Variants in PEX5L observed in about 807,000 individuals in gnomAD.
The protein encoded by PEX5L is peroxisomal biogenesis factor 5 like.
In PEX5L, 30 loss-of-function variants were observed where a neutral mutation model predicts 84.0. The observed-to-expected ratio is 0.36, with a 90% confidence interval of 0.27 to 0.48. The LOEUF (loss-of-function observed/expected upper bound fraction) is 0.48, where lower values mean the gene tolerates loss of function less well. PEX5L is among the 20% of genes least tolerant of loss of function. PEX5L has a pLI of 0.99. For missense variants in PEX5L, 533 were observed against 754.6 expected (o/e 0.71, Z 3.44); for synonymous variants, 270 against 283.1 (o/e 0.95, Z 0.46).
chr3:180,035,550 A>T (rs1008438119), intron 1 of PEX5L, among the ~76,000 whole-genome samples: 7 of 152,344 alleles, frequency 4.6e-5, no homozygotes, highest in Admixed American at 3.3e-4. Context: ...AGTCCAAAAG[A>T]ATTTCCCTAA....
chr3:179,906,532 A>G (rs558777283), intron 2 of PEX5L, among the ~76,000 whole-genome samples: 42 of 152,356 alleles, frequency 2.8e-4, no homozygotes, highest in African/African-American at 9.6e-4. Context: ...ATAATTAATA[A>G]GTAAATGTAG....
intron 8 of PEX5L, among the ~76,000 whole-genome samples, chr3:179,825,641 AGT>A (rs1730192988): frequency 6.6e-6 from 1 of 152,170 alleles, no homozygotes; most frequent in African/African-American, 2.4e-5. Context: ...AGAAATGAAC[AGT>A]GTATGGAGGA....
At chr3:179,839,442 A>G (rs754745771) in intron 8 of PEX5L, among the ~76,000 whole-genome samples, 4 of 152,230 alleles carry the variant, frequency 2.6e-5, no homozygotes, top group Non-Finnish European at 5.9e-5. Flanking sequence ...TTCCAAAATA[A>G]TAAACATTGT....
chr3:179,808,488 A>G (rs765937004), intron 12 of PEX5L, 51 bp from the exon 13 acceptor site: 3 of 1,251,484 alleles, frequency 2.4e-6, no homozygotes, highest in Non-Finnish European at 3.2e-6. Flanking sequence ...TCAGAACATA[A>G]ATGATTTACT....
At chr3:179,842,294 G>C (rs1380375062) in intron 8 of PEX5L, among the ~76,000 whole-genome samples, 3 of 152,144 alleles carry the variant, frequency 2.0e-5, no homozygotes, top group Middle Eastern at 3.2e-3. Context: ...ACGGGTAGCT[G>C]TTTCTAGTTT....
At chr3:180,027,301 G>C (rs1296349270) in intron 1 of PEX5L, among the ~76,000 whole-genome samples, 1 of 152,172 alleles carries the variant, frequency 6.6e-6, no homozygotes, top group Non-Finnish European at 1.5e-5. Flanking sequence ...CCTAGATCTA[G>C]AAGTCTGCCA....
chr3:180,002,832 C>T (rs1788546112), intron 1 of PEX5L, among the ~76,000 whole-genome samples: 1 of 152,040 alleles, frequency 6.6e-6, no homozygotes, highest in African/African-American at 2.4e-5. Context: ...TAAACCTCTT[C>T]CTTGCAGAAA....
chr3:179,998,907 G>C lies in PEX5L; in HGVS notation c.22-27242C>G, dbSNP rs932835781. On this transcript the variant is annotated intron_variant, in intron 1 of 14. Transcript: ENST00000467460. Reference sequence around the variant, plus strand: ...AGTTGACAGAGGAAGAGAAGACTAGGGTCTGGTTCACAGACGGTTCTGCAG... The same window carrying C: ...AGTTGACAGAGGAAGAGAAGACTAGCGTCTGGTTCACAGACGGTTCTGCAG... Among the ~76,000 whole-genome samples the C allele has an allele frequency of 4.6e-5, 7 of 152,316 alleles. No individual in the cohort carries two copies. In the East Asian group the frequency reaches 1.2e-3, roughly 25 times the overall value.
At chr3:179,946,212 T>C (rs1777502588) in intron 2 of PEX5L, among the ~76,000 whole-genome samples, 1 of 152,158 alleles carries the variant, frequency 6.6e-6, no homozygotes, top group Non-Finnish European at 1.5e-5. Flanking sequence ...ATCAGAATAA[T>C]CTTGAGCTTC....
At chr3:179,988,818 C>T (rs1240621130) in intron 1 of PEX5L, among the ~76,000 whole-genome samples, 1 of 152,048 alleles carries the variant, frequency 6.6e-6, no homozygotes, top group Non-Finnish European at 1.5e-5. Context: ...AGGTAACAAC[C>T]CTGAAAGAAG....
intron 3 of PEX5L, among the ~76,000 whole-genome samples, chr3:179,893,252 C>T (rs944909607): frequency 6.6e-6 from 1 of 152,102 alleles, no homozygotes; most frequent in African/African-American, 2.4e-5. Flanking sequence ...GGAACAAAGG[C>T]AGATTATATC....
intron 12 of PEX5L, among the ~76,000 whole-genome samples, chr3:179,809,073 C>CAAAAAAAAAAA (rs10684376): frequency 3.1e-4 from 15 of 47,774 alleles, no homozygotes; most frequent in Admixed American, 8.3e-4. Context: ...GATTCCGCCT[C>CAAAAAAAAAAA]AAAAAAAAAA....
At chr3:179,883,050 A>G (rs1055056577) in intron 4 of PEX5L, among the ~76,000 whole-genome samples, 3 of 152,208 alleles carry the variant, frequency 2.0e-5, no homozygotes, top group Non-Finnish European at 2.9e-5. Context: ...TGGGTGACAG[A>G]GTAAGACCCT....
intron 1 of PEX5L, among the ~76,000 whole-genome samples, chr3:179,986,777 A>C (rs1187821723): frequency 6.6e-6 from 1 of 152,186 alleles, no homozygotes; most frequent in African/African-American, 2.4e-5. Context: ...ATTAGAACTT[A>C]AGATTTTCTG....
At chr3:179,808,890 A>ACAC (rs1430696776) in intron 12 of PEX5L, among the ~76,000 whole-genome samples, 19 of 151,784 alleles carry the variant, frequency 1.3e-4, no homozygotes, top group Admixed American at 9.9e-4. Flanking sequence ...ATCCTGGCTA[A>ACAC]GGTGAAACCC....
At chr3:179,930,572 T>C (rs1772804465) in intron 2 of PEX5L, among the ~76,000 whole-genome samples, 1 of 152,242 alleles carries the variant, frequency 6.6e-6, no homozygotes, top group Non-Finnish European at 1.5e-5. Context: ...AGACTTGTCC[T>C]GTACTATGTC....
intron 1 of PEX5L, among the ~76,000 whole-genome samples, chr3:180,035,931 A>C (rs1791867724): frequency 6.6e-6 from 1 of 152,164 alleles, no homozygotes; most frequent in Admixed American, 6.5e-5. Context: ...GTGTGTTTGC[A>C]TCGGAAAGAA....
At chr3:179,990,107 G>A (rs1460795381) in intron 1 of PEX5L, among the ~76,000 whole-genome samples, 1 of 152,144 alleles carries the variant, frequency 6.6e-6, no homozygotes, top group African/African-American at 2.4e-5. Context: ...AGTACCATTG[G>A]ATCTTGTGCC....
At chr3:179,811,225 G>A (rs750026785) in intron 11 of PEX5L, among the ~76,000 whole-genome samples, 1 of 94,576 alleles carries the variant, frequency 1.1e-5, no homozygotes, top group African/African-American at 4.8e-5. Flanking sequence ...GTATGTGTGT[G>A]TGTGTGTGTG....
Sources: allele counts gnomAD v4.1 joint callset (sites outside exome capture counted in the v4.1 genomes callset), GRCh38; gene constraint gnomAD v4.1.1; transcripts MANE v1.5; gene names NCBI Gene and HGNC (gene_info 2026-07-23, HGNC 2026-07-21).